Variants in SOD2 observed in about 807,000 individuals in gnomAD.
The protein encoded by SOD2 is superoxide dismutase 2.
SOD2 carries 11 observed loss-of-function variants against 27.0 expected under a neutral mutation model. The ratio of observed to expected loss-of-function variants is 0.41; its 90% CI spans 0.26 to 0.67. The LOEUF is 0.67. Among genes scored for constraint, SOD2 ranks in the 30% least tolerant of loss-of-function variants. The pLI is 0.34. For synonymous variants in SOD2, 105 were observed against 103.0 expected (o/e 1.02, Z -0.12); for missense variants, 250 against 274.5 (o/e 0.91, Z 0.63).
At chr6:159,709,062 T>C (rs1777680463) in intron 1 of SOD2, among the ~76,000 whole-genome samples, 1 of 152,186 alleles carries the variant, frequency 6.6e-6, no homozygotes, top group South Asian at 2.1e-4. Context: ...TGGCTAGCCA[T>C]ATGTAGAAAG....
intron 1 of SOD2, among the ~76,000 whole-genome samples, chr6:159,739,621 T>C (rs557676538): frequency 1.3e-5 from 2 of 152,308 alleles, no homozygotes; most frequent in South Asian, 4.1e-4. Context: ...TTTAAATATA[T>C]TCTTTCTGTA....
chr6:159,752,827 C>T (rs1779870963), intron 1 of SOD2, among the ~76,000 whole-genome samples: 1 of 152,194 alleles, frequency 6.6e-6, no homozygotes, highest in Non-Finnish European at 1.5e-5. Context: ...ACAGCGTCAA[C>T]CACTTGGGCT....
exon 1 of SOD2, chr6:159,761,875 G>GCCCCGCGCC (rs1459270351): frequency 3.6e-6 from 1 of 277,804 alleles, no homozygotes; most frequent in Non-Finnish European, 6.4e-6. Context: ...TCCGCCCCGC[G>GCCCCGCGCC]CCCCGCGCCC....
chr6:159,727,572 ACTAGGAGCGCGGCGGGG>A, upstream of SOD2: 1 of 986,390 alleles, frequency 1.0e-6, no homozygotes, highest in Non-Finnish European at 1.2e-6. Context: ...TTGCGGCGGG[ACTAGGAGCGCGGCGGGG>A]CCGGCGGCAG....
chr6:159,674,660 G>A lies in SOD2; in HGVS notation c.*7833C>T, dbSNP rs1779737656. ...ATATCAGACTGAATGGGCAAAAACT[G>A]GAAGCATTCCCTTTGAAAACTGGCA... On this transcript the variant is annotated 3_prime_UTR_variant, in exon 5 of 5. Coordinates refer to ENST00000538183, the MANE Select transcript of SOD2 (RefSeq NM_000636.4). 1.3e-5 allele frequency: 2 copies of A among 152,170 alleles called. No individual in the cohort carries two copies. Among genetic ancestry groups the A allele is most frequent in the Admixed American group, 1.3e-4 (2 of 15,276 alleles). The allele number at this position is 152,170 out of a possible 1,614,324, so 9.4% of individuals were successfully genotyped here.
chr6:159,727,148 G>C lies in SOD2; in HGVS notation c.-135C>G, dbSNP rs868556302. ...CCTTACTGAGCTTGCTGAGCTCCGG[G>C]GCCCGCGGAGCTCGCGCCAGGCTCC... is the stretch of plus-strand genomic sequence containing the variant. On this transcript the variant is annotated 5_prime_UTR_variant, in exon 1 of 3. Transcript: ENST00000401980. 4 of 1,195,184 alleles carry C rather than the reference G, an allele frequency of 3.3e-6. No homozygotes were observed. The Middle Eastern group carries it at 9.8e-4, about 294-fold the overall frequency. 74.0% of individuals were successfully genotyped at this position (1,195,184 alleles called of 1,614,324 possible). A position where few individuals can be genotyped will look rare whatever the true frequency, so the allele number is the denominator to read the frequency against.
intron 1 of SOD2, among the ~76,000 whole-genome samples, chr6:159,710,778 A>G (rs1777723818): frequency 6.7e-6 from 1 of 148,678 alleles, no homozygotes; most frequent in African/African-American, 2.5e-5. Context: ...CTCCATAACC[A>G]CCACTCAGCT....
At chr6:159,759,401 G>C (rs1472030329) in intron 1 of SOD2, among the ~76,000 whole-genome samples, 1 of 149,364 alleles carries the variant, frequency 6.7e-6, no homozygotes, top group East Asian at 2.0e-4. Flanking sequence ...GCCGGGCGCG[G>C]TGGCTCACGC....
chr6:159,733,398 C>T (rs1241418591), intron 1 of SOD2, among the ~76,000 whole-genome samples: 1 of 152,196 alleles, frequency 6.6e-6, no homozygotes, highest in African/African-American at 2.4e-5. Flanking sequence ...AGTTGGATTG[C>T]TTGCGCCCAG....
chr6:159,762,065 C>T (rs779422593), exon 1 of SOD2: 17 of 1,612,018 alleles, frequency 1.1e-5, no homozygotes, highest in Admixed American at 1.7e-5. Flanking sequence ...CAGCGCAGGG[C>T]AGACGGCGGC....
intron 1 of SOD2, chr6:159,713,162 C>T (rs1287280105): frequency 6.3e-6 from 8 of 1,261,834 alleles, no homozygotes; most frequent in Admixed American, 2.4e-5. Context: ...ACTGGACCCA[C>T]TATCTCCGTA....
In SOD2 at chr6:159,701,644, A is replaced by C. The variant is rs555675821; in HGVS notation, c.-115-8781T>G. 7.2e-5 allele frequency among the ~76,000 whole-genome samples: 11 copies of C among 152,242 alleles called. No individual in the cohort carries two copies. The South Asian group carries it at 1.0e-3, about 14-fold the overall frequency. ...GAAGGAAAAACAAGCCCATGAAGCAAATTTAATGACCTATTGGGCAATAAA... is the reference window on the plus strand; with the variant it reads ...GAAGGAAAAACAAGCCCATGAAGCACATTTAATGACCTATTGGGCAATAAA... On this transcript the variant is annotated intron_variant, in intron 1 of 2. Transcript: ENST00000401980.
chr6:159,748,509 C>T, upstream of SOD2: 1 of 1,448,118 alleles, frequency 6.9e-7, no homozygotes, highest in Non-Finnish European at 9.1e-7. This position sits in a 1 kb window ranked among gnomAD's most constrained non-coding sequence, Gnocchi z 5.6. Context: ...TTACACTGTC[C>T]AGCTTGTAAT....
rs2495281 is a variant in SOD2, at chr6:159,680,813, G to A, written c.*1680C>T. 61,003 of 151,646 alleles carry A rather than the reference G, an allele frequency of 0.4. 13,580 individuals carry two copies. Among genetic ancestry groups the A allele is most frequent in the Non-Finnish European group, 0.49 (33,504 of 67,928 alleles). 9.4% of individuals were successfully genotyped at this position (151,646 alleles called of 1,614,324 possible). A position where few individuals can be genotyped will look rare whatever the true frequency, so the allele number is the denominator to read the frequency against. On this transcript the variant is annotated 3_prime_UTR_variant, in exon 5 of 5. Coordinates refer to ENST00000538183, the MANE Select transcript of SOD2 (RefSeq NM_000636.4). ...TAGCCAGGCATGGTAGCATGCACCT[G>A]TAATCCCAGCTATTCAGGAGGCTGA... is the stretch of plus-strand genomic sequence containing the variant.
At chr6:159,691,241 T>G (rs2081744560) in intron 2 of SOD2, 1 of 152,236 alleles carries the variant, frequency 6.6e-6, no homozygotes, top group South Asian at 2.1e-4. Context: ...CTTTCACAAC[T>G]GGGGTATTCC....
intron 2 of SOD2, chr6:159,688,445 G>A: frequency 2.0e-6 from 1 of 497,198 alleles, no homozygotes. Flanking sequence ...CCTAGCAGAG[G>A]TGGAAAAGCT....
rs201025741 is a variant in SOD2, at chr6:159,718,460, TATG to T, written c.-116+8666_-116+8668del. ...ATTTTAATAATAGTCTAGTAAAAAT[TATG>T]ATAACAATCTACTGAATTATTTTTT... On this transcript the variant is annotated intron_variant, in intron 1 of 2. Coordinates refer to the SOD2 transcript ENST00000401980. 1.8e-4 allele frequency among the ~76,000 whole-genome samples: 28 copies of T among 152,316 alleles called. No individual in the cohort carries two copies. The East Asian group carries it at 2.9e-3, about 16-fold the overall frequency.
At chr6:159,687,482 C>CA (rs11434280) in intron 3 of SOD2, among the ~76,000 whole-genome samples, 67,335 of 147,808 alleles carry the variant, frequency 0.46, 15,411 homozygotes, top group Admixed American at 0.51. Context: ...GACTCCGTCT[C>CA]AAAAAAAAAA....
intron 1 of SOD2, 133 bp from the exon 2 acceptor site, chr6:159,692,996 C>A: frequency 7.4e-7 from 1 of 1,354,210 alleles, no homozygotes; most frequent in Non-Finnish European, 9.6e-7. Context: ...CCGCTCCAGC[C>A]GCCGCGCCGG....
Sources: allele counts gnomAD v4.1 joint callset (sites outside exome capture counted in the v4.1 genomes callset), GRCh38; gene constraint gnomAD v4.1.1; non-coding constraint Gnocchi (gnomAD v3.1); transcripts MANE v1.5; gene names NCBI Gene and HGNC (gene_info 2026-07-23, HGNC 2026-07-21).